DMD: variants seen among roughly 807,000 people sequenced by gnomAD.
DMD encodes dystrophin, also known as mutant dystrophin.
Under a neutral mutation model 330.1 loss-of-function variants are expected in DMD, and 63 were observed. The ratio of observed to expected loss-of-function variants is 0.19; its 90% CI spans 0.16 to 0.24. The LOEUF is 0.24. Ranked by LOEUF, DMD falls within the 10% of genes least tolerant of loss-of-function variation. The pLI, the probability that DMD is intolerant of heterozygous loss-of-function variation, is 1.00. For synonymous variants in DMD, 1,223 were observed against 959.8 expected, an observed-to-expected ratio of 1.27 and a Z score of -5.07; for missense variants, 3,344 against 2,684.1, an observed-to-expected ratio of 1.25 and a Z score of -5.43.
chrX:32,218,884 C>T (rs776332772), intron 43 of DMD, among the ~76,000 whole-genome samples: 11 of 111,816 alleles, frequency 9.8e-5, no homozygotes, highest in Non-Finnish European at 1.5e-4. Context: ...ATTATTTTTC[C>T]AAGATGAAGC....
intron 20 of DMD, among the ~76,000 whole-genome samples, chrX:32,488,940 A>G (rs2042731069): frequency 1.8e-5 from 2 of 110,714 alleles, no homozygotes; most frequent in Admixed American, 9.7e-5. Flanking sequence ...TCTGCCTGGA[A>G]TCTTGCTTAA....
At chrX:32,902,903 T>C (rs1344501247) in intron 2 of DMD, among the ~76,000 whole-genome samples, 2 of 109,713 alleles carry the variant, frequency 1.8e-5, no homozygotes, top group African/African-American at 6.8e-5. Context: ...ACACCTGTAA[T>C]CCCAGCACTT....
intron 7 of DMD, among the ~76,000 whole-genome samples, chrX:32,761,274 A>G (rs2072253074): frequency 8.9e-6 from 1 of 112,240 alleles, no homozygotes; most frequent in Non-Finnish European, 1.9e-5. Flanking sequence ...TCCCCAGTAT[A>G]TAATCTGCTC....
chrX:32,849,869 A>T lies in DMD; in HGVS notation c.94-49T>A, dbSNP rs536494620. 1.2e-5 allele frequency: 11 copies of T among 917,237 alleles called. No individual in the cohort carries two copies. In the Admixed American group the frequency reaches 2.2e-4, roughly 19 times the overall value. The allele number at this position is 917,237 out of a possible 1,213,427, so 75.6% of individuals were successfully genotyped here. A position where few individuals can be genotyped will look rare whatever the true frequency, so the allele number is the denominator to read the frequency against. On this transcript the variant is annotated intron_variant, in intron 2 of 78. Transcript: ENST00000357033. ...AATTTAACAAAGCACACTTCCAATGATACATTTTCACGATTATCCCCTTTT... is the reference window on the plus strand; with the variant it reads ...AATTTAACAAAGCACACTTCCAATGTTACATTTTCACGATTATCCCCTTTT...
At chrX:32,579,873 C>T (rs760500879) in intron 13 of DMD, among the ~76,000 whole-genome samples, 1 of 112,915 alleles carries the variant, frequency 8.9e-6, no homozygotes, top group Non-Finnish European at 1.9e-5. Flanking sequence ...CACGAAGAAG[C>T]ATGTTCTTCT....
intron 2 of DMD, among the ~76,000 whole-genome samples, chrX:32,950,242 T>A (rs1488034371): frequency 9.0e-6 from 1 of 111,264 alleles, no homozygotes; most frequent in Admixed American, 9.6e-5. Flanking sequence ...ATTGAGCACT[T>A]AAAACAGGCC....
intron 12 of DMD, among the ~76,000 whole-genome samples, chrX:32,596,658 G>A (rs997116521): frequency 9.1e-6 from 1 of 110,331 alleles, no homozygotes; most frequent in African/African-American, 3.3e-5. Context: ...GGATTCTCCT[G>A]CCTCAGCCTC....
At chrX:31,209,209 C>T (rs774178997) in intron 65 of DMD, among the ~76,000 whole-genome samples, 1 of 111,461 alleles carries the variant, frequency 9.0e-6, no homozygotes, top group East Asian at 2.8e-4. Flanking sequence ...AATCCATGGG[C>T]GAGAAAGGGA....
chrX:32,654,214 TC>T (rs2060389364), intron 9 of DMD, among the ~76,000 whole-genome samples: 2 of 111,655 alleles, frequency 1.8e-5, no homozygotes, highest in Admixed American at 1.9e-4. Flanking sequence ...AGAGAGGGCA[TC>T]CCTGTCTTGT....
At chrX:31,866,348 A>T (rs1418874963) in intron 48 of DMD, among the ~76,000 whole-genome samples, 2 of 111,312 alleles carry the variant, frequency 1.8e-5, no homozygotes, top group Non-Finnish European at 3.8e-5. Flanking sequence ...GAGGTTGAAA[A>T]AGCTAATTGG....
At chrX:33,314,559 G>GTTTTTTTTTT (rs764129742) in intron 1 of DMD, among the ~76,000 whole-genome samples, 104 of 57,408 alleles carry the variant, frequency 1.8e-3, no homozygotes, top group Admixed American at 2.7e-3. Context: ...TGCCCAGCCT[G>GTTTTTTTTTT]TTTTTTTTTT....
At chrX:32,889,645 CT>C (rs1318833484) in intron 2 of DMD, among the ~76,000 whole-genome samples, 5 of 111,155 alleles carry the variant, frequency 4.5e-5, no homozygotes, top group African/African-American at 1.6e-4. Flanking sequence ...CTCCCCCACC[CT>C]TAAGAAGGTT....
intron 50 of DMD, among the ~76,000 whole-genome samples, chrX:31,794,265 T>C (rs748395358): frequency 8.1e-5 from 9 of 111,251 alleles, no homozygotes; most frequent in South Asian, 3.8e-4. Context: ...CAGGACCCAA[T>C]AGTAATATAC....
rs772185989 is a variant in DMD, at chrX:32,236,664, C to A, written c.6291-19601G>T. 5.4e-5 allele frequency among the ~76,000 whole-genome samples: 6 copies of A among 111,781 alleles called. No homozygotes were observed. The East Asian group carries it at 1.7e-3, about 32-fold the overall frequency. ...TGCCATTCATGTAAGATGTGACTTG[C>A]TCCTCCTTGCCTTCTGCCAAGATTG... On this transcript the variant is annotated intron_variant, in intron 43 of 78. Coordinates refer to ENST00000357033, the MANE Select transcript of DMD (RefSeq NM_004006.3).
intron 60 of DMD, among the ~76,000 whole-genome samples, chrX:31,367,110 T>C (rs1410287073): frequency 1.8e-5 from 2 of 111,321 alleles, no homozygotes; most frequent in Non-Finnish European, 3.8e-5. Context: ...ATCACTATCA[T>C]CAGTACAGTT....
At chrX:31,193,218 T>C (rs755678261) in intron 67 of DMD, among the ~76,000 whole-genome samples, 1 of 112,615 alleles carries the variant, frequency 8.9e-6, no homozygotes, top group East Asian at 2.8e-4. Flanking sequence ...ATTATGTCAA[T>C]GTGTTGTTCC....
chrX:31,290,926 C>T (rs1255514836), intron 62 of DMD, among the ~76,000 whole-genome samples: 1 of 111,726 alleles, frequency 9.0e-6, no homozygotes, highest in East Asian at 2.8e-4. Context: ...TTGGAATGTC[C>T]ACAAGACACT....
At chrX:32,622,176 A>T (rs774299419) in intron 11 of DMD, among the ~76,000 whole-genome samples, 2 of 111,513 alleles carry the variant, frequency 1.8e-5, no homozygotes, top group Non-Finnish European at 3.8e-5. Flanking sequence ...GAGAAGTGTG[A>T]CTGCCAACTG....
At chrX:31,746,446 T>C (rs990755916) in intron 51 of DMD, among the ~76,000 whole-genome samples, 7 of 112,124 alleles carry the variant, frequency 6.2e-5, no homozygotes, top group South Asian at 7.4e-4. Context: ...GCTCAGTTTA[T>C]TCAGCTATAA....
Sources: allele counts gnomAD v4.1 joint callset (sites outside exome capture counted in the v4.1 genomes callset), GRCh38; gene constraint gnomAD v4.1.1; transcripts MANE v1.5; gene names NCBI Gene and HGNC (gene_info 2026-07-23, HGNC 2026-07-21).